Variants in LIMCH1 observed in about 807,000 individuals in gnomAD.
LIMCH1 encodes LIM and calponin homology domains-containing protein 1.
A neutral mutation model predicts 176.5 loss-of-function variants in LIMCH1; 113 were observed. The ratio of observed to expected loss-of-function variants is 0.64; its 90% CI spans 0.55 to 0.75. The LOEUF (loss-of-function observed/expected upper bound fraction) is 0.75. LIMCH1 is among the 30% of genes least tolerant of loss of function. The pLI is 0.00. For missense variants in LIMCH1, 1,674 were observed against 1,814.9 expected, an observed-to-expected ratio of 0.92 and a Z score of 1.41; for synonymous variants, 619 against 645.9, an observed-to-expected ratio of 0.96 and a Z score of 0.63.
At chr4:41,473,045 A>C in intron 1 of LIMCH1, 1 of 985,008 alleles carries the variant, frequency 1.0e-6, no homozygotes, top group Non-Finnish European at 1.2e-6. Flanking sequence ...ACGAAATAAT[A>C]ATGTAATTCC....
chr4:41,390,771 A>C (rs887688110), intron 1 of LIMCH1, among the ~76,000 whole-genome samples: 1 of 152,090 alleles, frequency 6.6e-6, no homozygotes, highest in African/African-American at 2.4e-5. Context: ...AATTAGGGCA[A>C]ATATTACCTG....
chr4:41,660,915 G>A (rs190255558), intron 18 of LIMCH1, among the ~76,000 whole-genome samples: 1 of 152,146 alleles, frequency 6.6e-6, no homozygotes. Context: ...AGAGGGAAAA[G>A]GAGAGAATGA....
In LIMCH1 at chr4:41,390,270, G is replaced by C. The variant is rs73811195; in HGVS notation, c.96+29334G>C. 4.8e-3 allele frequency among the ~76,000 whole-genome samples: 625 copies of C among 131,022 alleles called. 4 individuals carry two copies. Among genetic ancestry groups the C allele is most frequent in the African/African-American group, 0.018 (590 of 31,950 alleles). 86.0% of individuals were successfully genotyped at this position (131,022 alleles called of 152,430 possible). On this transcript the variant is annotated intron_variant, in intron 1 of 26. Transcript: ENST00000313860. The stretch of plus-strand genomic sequence containing the variant: ...AGAGAGAGAGAGAGAGAGAGAGAGA[G>C]AGAGCGAGAGCGCTCCTCATGCTGG...
At chr4:41,612,393 G>C in intron 4 of LIMCH1, 1 of 585,138 alleles carries the variant, frequency 1.7e-6, no homozygotes, top group Non-Finnish European at 3.0e-6. Flanking sequence ...GCATCCCAGG[G>C]AATCTGCAGT....
intron 1 of LIMCH1, among the ~76,000 whole-genome samples, chr4:41,431,266 G>A (rs1202508160): frequency 2.0e-5 from 3 of 151,236 alleles, no homozygotes; most frequent in African/African-American, 7.4e-5. Flanking sequence ...CCCCTGCTTG[G>A]TGGAAAGAGC....
Position 41,613,572 on chromosome 4 carries a change from G to T in LIMCH1, c.116G>T (p.Arg39Ile). 1 of 1,614,150 alleles carries T rather than the reference G, an allele frequency of 6.2e-7. No homozygotes were observed. Among genetic ancestry groups the T allele is most frequent in the Non-Finnish European group, 8.5e-7 (1 of 1,180,018 alleles). Residue 39 changes from arginine to isoleucine, a missense_variant, in exon 5 of 32, where the codon AGA becomes ATA. Around this residue, in one of 3 missense-constraint regions of LIMCH1, gnomAD observed 655 missense variants for 692.2 expected, o/e 0.95. Coordinates refer to ENST00000503057, the MANE Select transcript of LIMCH1 (RefSeq NM_001330672.2). Reference protein sequence around the residue: ...SDSLSPPRHGRDDSFDSLDSF... With the variant: ...SDSLSPPRHGIDDSFDSLDSF... ...TCCCTCTCTCCTCCTCGCCACGGCAGAGATGATTCCTTCGACAGCCTGGAT... is the reference window on the plus strand; with the variant it reads ...TCCCTCTCTCCTCCTCGCCACGGCATAGATGATTCCTTCGACAGCCTGGAT...
intron 1 of LIMCH1, among the ~76,000 whole-genome samples, chr4:41,480,919 C>T (rs1285307047): frequency 3.3e-5 from 5 of 152,152 alleles, no homozygotes; most frequent in South Asian, 2.1e-4. Context: ...ACTCGCATGT[C>T]TCCGGACTGA....
At chr4:41,643,444 G>T (rs923545460) in intron 14 of LIMCH1, among the ~76,000 whole-genome samples, 1 of 152,074 alleles carries the variant, frequency 6.6e-6, no homozygotes, top group East Asian at 1.9e-4. Context: ...TAGCCCACTT[G>T]TCCCAAAGTG....
intron 7 of LIMCH1, 84 bp from the exon 8 acceptor site, chr4:41,626,624 C>G: frequency 1.8e-6 from 2 of 1,119,646 alleles, no homozygotes; most frequent in Middle Eastern, 4.0e-4. Context: ...TTTTCACTAA[C>G]AACACAGTTG....
chr4:41,697,176 A>G lies in LIMCH1; in HGVS notation c.4395A>G (p.Thr1465=). 1 of 1,613,628 alleles carries G rather than the reference A, an allele frequency of 6.2e-7. No homozygotes were observed. Among genetic ancestry groups the G allele is most frequent in the Non-Finnish European group, 8.5e-7 (1 of 1,179,642 alleles). The change falls in exon 32 of 32, where the codon ACA becomes ACG. Residue 1465 remains threonine, a synonymous_variant. Coordinates refer to ENST00000503057, the MANE Select transcript of LIMCH1 (RefSeq NM_001330672.2). The stretch of plus-strand genomic sequence containing the variant: ...TAATCACAGGTGCCGGGCAGCCTAC[A>G]ACATTGTGACACGGCTTTCAAGCTT... ...YMRSRSAGQP[T]TL
intron 1 of LIMCH1, among the ~76,000 whole-genome samples, chr4:41,470,016 C>A (rs1250523660): frequency 6.6e-6 from 1 of 152,112 alleles, no homozygotes; most frequent in Non-Finnish European, 1.5e-5. Context: ...TCAGGCTCAT[C>A]TTTGAGCATA....
At chr4:41,542,066 G>A (rs1385944031) in intron 1 of LIMCH1, among the ~76,000 whole-genome samples, 1 of 152,086 alleles carries the variant, frequency 6.6e-6, no homozygotes, top group African/African-American at 2.4e-5. Context: ...GGGCCACTCT[G>A]GGCTGGATGG....
chr4:41,368,092 C>T (rs1215457446), intron 1 of LIMCH1, among the ~76,000 whole-genome samples: 1 of 151,774 alleles, frequency 6.6e-6, no homozygotes, highest in Non-Finnish European at 1.5e-5. Context: ...ATATTTTGAA[C>T]AATTATTTTA....
intron 3 of LIMCH1, among the ~76,000 whole-genome samples, chr4:41,530,384 C>T (rs1290142756): frequency 6.6e-6 from 1 of 152,124 alleles, no homozygotes; most frequent in Non-Finnish European, 1.5e-5. Flanking sequence ...TGGTGTGCCT[C>T]AACTCATCCT....
intron 1 of LIMCH1, among the ~76,000 whole-genome samples, chr4:41,557,092 G>A (rs1474089432): frequency 1.3e-5 from 2 of 152,038 alleles, no homozygotes; most frequent in Non-Finnish European, 2.9e-5. Flanking sequence ...GTTCTGTATC[G>A]ATTGCTTGAC....
chr4:41,629,888 C>T (rs973984069), intron 9 of LIMCH1, among the ~76,000 whole-genome samples, 154 bp downstream of exon 9: 3 of 151,296 alleles, frequency 2.0e-5, no homozygotes, highest in African/African-American at 4.9e-5. Flanking sequence ...GTTCACTGTA[C>T]CCTCGACTCC....
rs1443988503 is a variant in LIMCH1 at position 41,631,327 on chromosome 4, G to A, written c.1451G>A (p.Arg484Gln). 6.5e-6 allele frequency: 10 copies of A among 1,536,138 alleles called. No homozygotes were observed. In the East Asian group the frequency reaches 7.3e-5, roughly 11 times the overall value. ...GAGCTAGATCAGCAGAAATGGAAGC[G>A]GCTTAGCATTGGCAAGGCTGGGCCT... is the stretch of plus-strand genomic sequence containing the variant. The part of the protein sequence containing the change: ...VTELDQQKWK[R>Q]LSIGKAGPRE... Residue 484 changes from arginine to glutamine, a missense_variant, in exon 10 of 32, where the codon CGG becomes CAG. By Grantham distance (43) the Arg-to-Gln change is conservative. Coordinates refer to ENST00000503057, the MANE Select transcript of LIMCH1 (RefSeq NM_001330672.2).
intron 1 of LIMCH1, among the ~76,000 whole-genome samples, chr4:41,371,137 C>A (rs2053895300): frequency 6.6e-6 from 1 of 152,180 alleles, no homozygotes; most frequent in Admixed American, 6.5e-5. Context: ...CTAAAAAGAT[C>A]ATGGTCCCAA....
In LIMCH1 at chr4:41,541,067, C is replaced by T. The variant is rs553176619; in HGVS notation, c.-241+2717C>T. On this transcript the variant is annotated intron_variant, in intron 1 of 31. Coordinates refer to ENST00000503057, the MANE Select transcript of LIMCH1 (RefSeq NM_001330672.2). ...GTGTGGAGTAGCAGATGAAGTCTAA[C>T]TGTACAGCAGTATAAAGGCAGTGAA... Among the ~76,000 whole-genome samples, 7 of 152,242 alleles carry T rather than the reference C, an allele frequency of 4.6e-5. No individual in the cohort carries two copies. In the South Asian group the frequency reaches 1.4e-3, roughly 32 times the overall value.
Sources: gnomAD v4.1 joint callset for allele counts (sites outside exome capture counted in the v4.1 genomes callset) on GRCh38, gnomAD v4.1.1 for gene constraint, gnomAD v4.1.1 regional missense constraint, MANE v1.5 for transcripts, NCBI Gene and HGNC (gene_info 2026-07-23, HGNC 2026-07-21) for gene names.